The following UNC13D variants were observed in gnomAD, a reference collection of about 807,000 sequenced individuals.
UNC13D encodes unc-13 homolog D.
UNC13D carries 115 observed loss-of-function variants against 151.7 expected under a neutral mutation model. That is an observed-to-expected ratio of 0.76 (90% CI 0.65 to 0.88). UNC13D has a LOEUF of 0.88. Ranked by LOEUF, UNC13D falls within the 40% of genes least tolerant of loss-of-function variation. UNC13D has a pLI of 0.00. For synonymous variants in UNC13D, 588 were observed against 612.2 expected, an observed-to-expected ratio of 0.96 and a Z score of 0.58; for missense variants, 1,369 against 1,438.7, an observed-to-expected ratio of 0.95 and a Z score of 0.78.
intron 26 of UNC13D, 29 bp downstream of exon 26, chr17:75,831,214 G>A (rs750758037): frequency 6.2e-7 from 1 of 1,614,118 alleles, no homozygotes; most frequent in Admixed American, 1.7e-5. Context: ...TCCCACCAGG[G>A]TTATCATTGC....
rs754691045 is a variant in UNC13D, at chr17:75,844,245, A to T, written c.93T>A (p.Asp31Glu). 9 of 1,611,838 alleles carry T rather than the reference A, an allele frequency of 5.6e-6. No homozygotes were observed. In the African/African-American group the frequency reaches 9.4e-5, roughly 17 times the overall value. The change falls in exon 1 of 32, where the codon GAT (aspartate) becomes GAA (glutamate). Residue 31 changes from aspartate to glutamate, a missense_variant. Asp to Glu is a conservative substitution (Grantham distance 45). Transcript: ENST00000207549. ...CCTCCGGGGCCATTTGGGGCGGGGGATCCTGTAGATCTCTGACTCTGCGGC... is the reference window on the plus strand; with the variant it reads ...CCTCCGGGGCCATTTGGGGCGGGGGTTCCTGTAGATCTCTGACTCTGCGGC... ...IRRRRVRDLQ[D>E]PPPQMAPEIQ...
chr17:75,838,475 T>C (rs2064924511), intron 12 of UNC13D, among the ~76,000 whole-genome samples: 1 of 151,856 alleles, frequency 6.6e-6, no homozygotes. Context: ...TGTCTCGGCC[T>C]CCCAAAGTGC....
chr17:75,834,457 C>T lies in UNC13D; in HGVS notation c.2166G>A (p.Glu722=), dbSNP rs371062241. 6 of 1,564,836 alleles carry T rather than the reference C, an allele frequency of 3.8e-6. No homozygotes were observed. Among genetic ancestry groups the T allele is most frequent in the Non-Finnish European group, 5.2e-6 (6 of 1,158,300 alleles). Residue 722 remains glutamate (E), a synonymous_variant, in exon 23 of 32, where the codon GAG becomes GAA. Transcript: ENST00000207549. ...CGGCCCCTACCCGCTGCTCCAGGGC[C>T]TCCCATGCCAGCTGGGCGGGCAACT... ...IGKLPAQLAW[E]ALEQRVGAVL...
Position 75,836,839 on chromosome 17 carries a change from C to T in UNC13D, c.1135G>A (p.Glu379Lys), listed in dbSNP as rs151047555. The T allele has an allele frequency of 5.0e-6, 8 of 1,613,864 alleles. No individual in the cohort carries two copies. The highest frequency in any genetic ancestry group is 1.6e-4 in the Middle Eastern group (1 of 6,064). The change falls in exon 13 of 32, where the codon GAG becomes AAG. Residue 379 changes from glutamate to lysine, a missense_variant. Transcript: ENST00000207549. ...SCLLHPITSI[E>K]YQWIQGRLKA... ...AGCCGACCCTGGATCCACTGGTACT[C>T]GATGCTGGTGATGGGGTGCAGGAGG... is the stretch of plus-strand genomic sequence containing the variant.
At position 75,827,621 on chromosome 17, in the gene UNC13D, C is replaced by T. The variant is rs1433233854; in HGVS notation, c.*344G>A. 1 of 1,535,394 alleles carries T rather than the reference C, an allele frequency of 6.5e-7. No homozygotes were observed. The highest frequency in any genetic ancestry group is 1.2e-5 in the South Asian group (1 of 84,050). On this transcript the variant is annotated 3_prime_UTR_variant, in exon 32 of 32. Transcript: ENST00000207549. The stretch of plus-strand genomic sequence containing the variant: ...TGGCTGGAACAGGAAGGCCAGGAGG[C>T]AGATGGGCCAGGGCCAGGAGACAGA...
In UNC13D at chr17:75,827,831, C is replaced by T; in HGVS notation, c.*134G>A. ...AGGCAGGGGAGGTCTGCACTCTGGG[C>T]ACTCCGCATGCTGGGGCTCCCCAAG... On this transcript the variant is annotated 3_prime_UTR_variant, in exon 32 of 32. Coordinates refer to ENST00000207549, the MANE Select transcript of UNC13D (RefSeq NM_199242.3). The T allele has an allele frequency of 6.6e-7, 1 of 1,504,546 alleles. No homozygotes were observed. The highest frequency in any genetic ancestry group is 1.4e-5 in the African/African-American group (1 of 72,556). The allele number at this position is 1,504,546 out of a possible 1,614,324, so 93.2% of individuals were successfully genotyped here.
In UNC13D at chr17:75,832,930, G is replaced by T; in HGVS notation, c.2447+36C>A. The T allele has an allele frequency of 6.4e-7, 1 of 1,551,684 alleles. No individual in the cohort carries two copies. Among genetic ancestry groups the T allele is most frequent in the Non-Finnish European group, 8.7e-7 (1 of 1,143,966 alleles). On this transcript the variant is annotated intron_variant, in intron 25 of 31. Transcript: ENST00000207549. The surrounding 1 kb of genome is among the most constrained non-coding windows in gnomAD (Gnocchi z 4.3). ...AGGGGCCGTGGGAGGAGAGGGGGAG[G>T]TGGCGAGCGCGCCCAGGGCAGGGGC...
chr17:75,827,802 TG>T lies in UNC13D; in HGVS notation c.*162del. ...TGTCGCTGCTGAGCCCCCATCACCATGGGAGGCAGGGGAGGTCTGCACTCTG... is the reference window on the plus strand; with the variant it reads ...TGTCGCTGCTGAGCCCCCATCACCATGGAGGCAGGGGAGGTCTGCACTCTG... On this transcript the variant is annotated 3_prime_UTR_variant, in exon 32 of 32. Coordinates refer to ENST00000207549, the MANE Select transcript of UNC13D (RefSeq NM_199242.3). The T allele has an allele frequency of 6.7e-7, 1 of 1,483,444 alleles. No homozygotes were observed. Among genetic ancestry groups the T allele is most frequent in the Non-Finnish European group, 9.0e-7 (1 of 1,116,086 alleles). The allele number at this position is 1,483,444 out of a possible 1,614,324, so 91.9% of individuals were successfully genotyped here. A position where few individuals can be genotyped will look rare whatever the true frequency, so the allele number is the denominator to read the frequency against.
At position 75,830,586 on chromosome 17, in the gene UNC13D, G is replaced by A; in HGVS notation, c.2701C>T (p.Gln901Ter). 6.4e-7 allele frequency: 1 copy of A among 1,561,542 alleles called. No individual in the cohort carries two copies. The change falls in exon 28 of 32, where the codon CAG becomes TAG. Residue 901 changes from glutamine to a stop codon, truncating the protein, a stop_gained. Coordinates refer to ENST00000207549, the MANE Select transcript of UNC13D (RefSeq NM_199242.3). LOFTEE classifies it high-confidence loss of function. Reference sequence around the variant, plus strand: ...CGAGGGAGGGGCCTCACCTGCTGCTGGATTCGGCTGCAGAAGTACTTCCGG... The same window carrying A: ...CGAGGGAGGGGCCTCACCTGCTGCTAGATTCGGCTGCAGAAGTACTTCCGG... The part of the protein sequence containing the change: ...LIRKYFCSRI[Q>*]QQAETTSEEL...
chr17:75,830,218 C>T (rs2064861151), intron 29 of UNC13D, 67 bp from the exon 30 acceptor site: 4 of 1,561,370 alleles, frequency 2.6e-6, no homozygotes, highest in Non-Finnish European at 3.5e-6. Context: ...AGCAGCTATG[C>T]TCTGCTCAGC....
At chr17:75,828,498 G>A (rs189170853) in intron 31 of UNC13D, among the ~76,000 whole-genome samples, 15 of 152,364 alleles carry the variant, frequency 9.8e-5, no homozygotes, top group African/African-American at 3.4e-4. Context: ...GCATCAGACC[G>A]TTGCTGGTAT....
chr17:75,830,175 C>A lies in UNC13D; in HGVS notation c.2831-24G>T, dbSNP rs958549241. On this transcript the variant is annotated intron_variant, in intron 29 of 31. Coordinates refer to ENST00000207549, the MANE Select transcript of UNC13D (RefSeq NM_199242.3). ...GCCTGGTAAGTGGCCGGGGAGTGTG[C>A]GTCAGCTGAGGGTCTCCCAGGCACC... is the stretch of plus-strand genomic sequence containing the variant. 3.2e-6 allele frequency: 5 copies of A among 1,581,764 alleles called. No individual in the cohort carries two copies. The African/African-American group carries it at 6.7e-5, about 21-fold the overall frequency.
intron 19 of UNC13D, 24 bp from the exon 20 acceptor site, chr17:75,835,553 T>C: frequency 6.2e-7 from 1 of 1,600,704 alleles, no homozygotes; most frequent in Non-Finnish European, 8.5e-7. Flanking sequence ...GGGCTCAGCG[T>C]CGGGAAGGCT....
At position 75,830,379 on chromosome 17, in the gene UNC13D, A is replaced by G; in HGVS notation, c.2813T>C (p.Leu938Pro). The change falls in exon 29 of 32, where the codon CTG (leucine) becomes CCG (proline). Residue 938 changes from leucine to proline, a missense_variant. This residue lies in a region of UNC13D where 807 missense variants were observed against 795.5 expected (regional missense o/e 1.01). Transcript: ENST00000207549. The part of the protein sequence containing the change: ...RVELLSASSL[L>P]PLDSNGSSDP... Reference sequence around the variant, plus strand: ...CCACTCACCATTGGAGTCCAGGGGCAGCAGGCTGGAGGCGCTGAGCAGCTC... The same window carrying G: ...CCACTCACCATTGGAGTCCAGGGGCGGCAGGCTGGAGGCGCTGAGCAGCTC... 2 of 1,591,678 alleles carry G rather than the reference A, an allele frequency of 1.3e-6. No individual in the cohort carries two copies. The highest frequency in any genetic ancestry group is 4.5e-5 in the East Asian group (2 of 44,144).
chr17:75,837,015 CA>C, intron 12 of UNC13D, 97 bp from the exon 13 acceptor site: 1 of 542,374 alleles, frequency 1.8e-6, no homozygotes, highest in Non-Finnish European at 2.6e-6. Context: ...TCCCATCCAC[CA>C]GTACAGGCTG....
chr17:75,830,493 G>A lies in UNC13D; in HGVS notation c.2710-11C>T, dbSNP rs760368926. On this transcript the variant is annotated splice_polypyrimidine_tract_variant and intron_variant, in intron 28 of 31. Transcript: ENST00000207549. ...AGAGGTGGTTTCTGCCTGGGGTGGG[G>A]AGCAGGGGCAGGGTCAGCAGGGTCA... 9 of 1,591,758 alleles carry A rather than the reference G, an allele frequency of 5.7e-6. No homozygotes were observed. In the South Asian group the frequency reaches 1.0e-4, roughly 18 times the overall value.
rs2062141178 is a variant in UNC13D, at chr17:75,828,794, T to C, written c.3144A>G (p.Ala1048=). The C allele has an allele frequency of 2.6e-6, 4 of 1,543,690 alleles. No individual in the cohort carries two copies. The highest frequency in any genetic ancestry group is 1.2e-5 in the South Asian group (1 of 84,216). ...CCCTGGGCTCAGGCCTACCGTTGGG[T>C]GCGGGGTACGTGAGGGGCAGGCGGG... ...PQTRLPLTYP[A]PNGDPILQLL... is the part of the protein sequence containing the mutation. The change falls in exon 31 of 32, where the codon GCA becomes GCG. Residue 1048 remains alanine, a synonymous_variant. Coordinates refer to ENST00000207549, the MANE Select transcript of UNC13D (RefSeq NM_199242.3).
intron 1 of UNC13D, 119 bp downstream of exon 1, chr17:75,844,102 G>A (rs2064969045): frequency 1.3e-6 from 2 of 1,517,366 alleles, no homozygotes; most frequent in Admixed American, 1.7e-5. Flanking sequence ...AGTAGGCAGG[G>A]GAGGGTCGCT....
rs2064866509 is a variant in UNC13D at position 75,830,776 on chromosome 17, T to G, written c.2626-115A>C. On this transcript the variant is annotated intron_variant, in intron 27 of 31. Transcript: ENST00000207549. ...CATGTCCGTTTGAAATGGAAAGTAT[T>G]GGGTCATGGGACAACGGGCTGGGGC... 7.7e-6 allele frequency: 10 copies of G among 1,300,560 alleles called. No individual in the cohort carries two copies. The South Asian group carries it at 1.3e-4, about 17-fold the overall frequency. 80.6% of individuals were successfully genotyped at this position (1,300,560 alleles called of 1,614,324 possible).
Sources: allele counts gnomAD v4.1 joint callset (sites outside exome capture counted in the v4.1 genomes callset), GRCh38; gene constraint gnomAD v4.1.1; regional missense constraint gnomAD v4.1.1; non-coding constraint Gnocchi (gnomAD v3.1); transcripts MANE v1.5; gene names NCBI Gene and HGNC (gene_info 2026-07-23, HGNC 2026-07-21).